Variants in NUP188 observed in about 807,000 individuals in gnomAD.
NUP188 encodes the protein nucleoporin NUP188.
In NUP188, 97 loss-of-function variants were observed where a neutral mutation model predicts 223.0. The observed-to-expected ratio is 0.43, with a 90% CI of 0.37 to 0.51. NUP188 has a LOEUF of 0.51. Among genes scored for constraint, NUP188 ranks in the 20% least tolerant of loss-of-function variants. The probability of loss-of-function intolerance (pLI) is 0.00; values close to 1 mark genes in which losing one functional copy is unlikely to be tolerated. For missense variants in NUP188, 1,947 were observed against 2,175.6 expected (o/e 0.89, Z 2.09); for synonymous variants, 869 against 828.0 (o/e 1.05, Z -0.85).
At chr9:128,952,624 G>A (rs1841807769) in intron 2 of NUP188, 149 bp from the exon 3 acceptor site, 2 of 535,050 alleles carry the variant, frequency 3.7e-6, no homozygotes, top group Admixed American at 3.0e-5. Context: ...TCGGGAGGCT[G>A]AGGCTCGAGA....
chr9:128,981,833 G>A (rs1307491163), intron 15 of NUP188, among the ~76,000 whole-genome samples: 1 of 152,098 alleles, frequency 6.6e-6, no homozygotes, highest in African/African-American at 2.4e-5. Flanking sequence ...CCAACACTGG[G>A]ATTACAGGCC....
rs376452007 is a variant in NUP188, at chr9:128,970,864, G to C, written c.1019G>C (p.Ser340Thr). ...ACTCTGAACCCAGAAGAGACAAGCAGTGTGGTCCGGAAGATAGGTGGCACA... is the reference window on the plus strand; with the variant it reads ...ACTCTGAACCCAGAAGAGACAAGCACTGTGGTCCGGAAGATAGGTGGCACA... ...RHTLNPEETS[S>T]VVRKIGGTAI... The change falls in exon 11 of 44, where the codon AGT (serine) becomes ACT (threonine). Residue 340 changes from serine to threonine, a missense_variant. Ser to Thr is a moderately conservative substitution (Grantham distance 58, BLOSUM62 1). Transcript: ENST00000372577. 8 of 1,614,036 alleles carry C rather than the reference G, an allele frequency of 5.0e-6. No homozygotes were observed. In the African/African-American group the frequency reaches 9.3e-5, roughly 19 times the overall value.
At chr9:128,985,055 G>A in intron 20 of NUP188, 41 bp downstream of exon 20, 2 of 1,415,842 alleles carry the variant, frequency 1.4e-6, no homozygotes, top group Non-Finnish European at 2.0e-6. Context: ...AAAAAGAAAA[G>A]GTCCAGTCTT....
At chr9:128,961,578 C>CTA (rs1841953104) in intron 8 of NUP188, among the ~76,000 whole-genome samples, 3 of 134,710 alleles carry the variant, frequency 2.2e-5, no homozygotes, top group African/African-American at 1.1e-4. Flanking sequence ...ATATCTATAT[C>CTA]TATCTATCTA....
intron 25 of NUP188, among the ~76,000 whole-genome samples, chr9:128,992,793 A>G (rs1455490168): frequency 6.6e-6 from 1 of 152,232 alleles, no homozygotes; most frequent in Non-Finnish European, 1.5e-5. Context: ...TTATGTAGGT[A>G]TAAATGAACA....
intron 25 of NUP188, among the ~76,000 whole-genome samples, chr9:128,991,855 G>A (rs1842438224): frequency 6.7e-6 from 1 of 150,148 alleles, no homozygotes; most frequent in Non-Finnish European, 1.5e-5. Context: ...AAGTATTTGA[G>A]TGTGTACTTT....
rs758632513 is a variant in NUP188 at position 128,981,260 on chromosome 9, G to A, written c.1390-4G>A. The A allele has an allele frequency of 1.9e-6, 3 of 1,611,242 alleles. No individual in the cohort carries two copies. The highest frequency in any genetic ancestry group is 2.5e-6 in the Non-Finnish European group (3 of 1,179,160). On this transcript the variant is annotated splice_region_variant and splice_polypyrimidine_tract_variant and intron_variant, in intron 14 of 43. Transcript: ENST00000372577. ...ATGTGTGATGGTTTTTTCTGTTTTG[G>A]CAGGTGTATAGCTTCTTGGATAAGA... is the stretch of plus-strand genomic sequence containing the variant.
chr9:128,956,855 C>A, intron 4 of NUP188, 97 bp from the exon 5 acceptor site: 2 of 769,888 alleles, frequency 2.6e-6, no homozygotes, highest in Non-Finnish European at 4.2e-6. Flanking sequence ...TTTGTTTATT[C>A]AAGTCCTGTG....
At chr9:128,959,527 C>CTTTTTTTTTTTTTTTTTTTTT (rs1303364478) in intron 8 of NUP188, among the ~76,000 whole-genome samples, 1 of 123,898 alleles carries the variant, frequency 8.1e-6, no homozygotes, top group African/African-American at 3.2e-5. Context: ...TACAGATTAT[C>CTTTTTTTTTTTTTTTTTTTTT]TTTTTTTTTT....
At chr9:129,001,045 T>A (rs377600276) in intron 34 of NUP188, among the ~76,000 whole-genome samples, 3 of 152,010 alleles carry the variant, frequency 2.0e-5, no homozygotes. Flanking sequence ...TCAAAAAAAA[T>A]GTCTTTATGA....
chr9:128,973,854 T>C (rs1408594674), intron 12 of NUP188, among the ~76,000 whole-genome samples: 2 of 152,238 alleles, frequency 1.3e-5, no homozygotes, highest in African/African-American at 4.8e-5. Flanking sequence ...AATTCTTCTC[T>C]AGAAATTGAA....
At chr9:129,003,181 T>C in intron 37 of NUP188, 136 bp from the exon 38 acceptor site, 1 of 1,205,082 alleles carries the variant, frequency 8.3e-7, no homozygotes, top group African/African-American at 1.5e-5. Context: ...AGAATCCTGG[T>C]TGTACCACTA....
At chr9:128,978,184 T>C (rs1842204941) in intron 12 of NUP188, among the ~76,000 whole-genome samples, 1 of 152,064 alleles carries the variant, frequency 6.6e-6, no homozygotes, top group African/African-American at 2.4e-5. Context: ...TGCAGTGAGC[T>C]ATGATGGTGC....
chr9:128,979,172 T>C, intron 12 of NUP188, 90 bp from the exon 13 acceptor site: 2 of 914,424 alleles, frequency 2.2e-6, no homozygotes, highest in Non-Finnish European at 3.5e-6. Context: ...TATTGGTGTT[T>C]TGGTGTTTTT....
At chr9:128,954,110 G>A (rs1382306818) in intron 3 of NUP188, among the ~76,000 whole-genome samples, 1 of 152,152 alleles carries the variant, frequency 6.6e-6, no homozygotes. Context: ...GATTACAGGC[G>A]TGAGCCGTCA....
At chr9:128,973,467 C>T (rs1264544475) in intron 12 of NUP188, among the ~76,000 whole-genome samples, 1 of 152,122 alleles carries the variant, frequency 6.6e-6, no homozygotes, top group African/African-American at 2.4e-5. Context: ...ACTGCAGCGT[C>T]CGCCTCCTGG....
At chr9:128,982,847 C>T in intron 16 of NUP188, 55 bp from the exon 17 acceptor site, 6 of 1,608,582 alleles carry the variant, frequency 3.7e-6, no homozygotes, top group South Asian at 1.1e-5. Context: ...AGAGACTGTT[C>T]AGTGATCTTA....
chr9:128,959,139 G>A lies in NUP188; in HGVS notation c.585+5G>A, dbSNP rs1242705917. 1.0e-5 allele frequency: 16 copies of A among 1,579,382 alleles called. No homozygotes were observed. The highest frequency in any genetic ancestry group is 3.4e-4 in the Middle Eastern group (2 of 5,894). ...GAGACACATGGAAATCTCATGGTAT[G>A]TGGTTACTGTGCTCTCCTGTAACTT... On this transcript the variant is annotated splice_donor_5th_base_variant and intron_variant, in intron 8 of 43. Coordinates refer to ENST00000372577, the MANE Select transcript of NUP188 (RefSeq NM_015354.3).
chr9:128,966,778 C>T (rs536163851), intron 8 of NUP188, among the ~76,000 whole-genome samples: 2 of 152,142 alleles, frequency 1.3e-5, no homozygotes, highest in South Asian at 2.1e-4. Context: ...ACCTGTACAC[C>T]TGGAAAGAAT....
Sources: gnomAD v4.1 joint callset for allele counts (sites outside exome capture counted in the v4.1 genomes callset) on GRCh38, gnomAD v4.1.1 for gene constraint, MANE v1.5 for transcripts, NCBI Gene and HGNC (gene_info 2026-07-23, HGNC 2026-07-21) for gene names.